Variants in MYO19 observed in about 807,000 individuals in gnomAD.
The protein encoded by MYO19 is myosin XIX.
In MYO19, 132 loss-of-function variants were observed where a neutral mutation model predicts 129.2. The ratio of observed to expected loss-of-function variants is 1.02; its 90% CI spans 0.89 to 1.18. The LOEUF (loss-of-function observed/expected upper bound fraction) is 1.18, where lower values mean the gene tolerates loss of function less well. Among genes scored for constraint, MYO19 ranks in the 50% most tolerant of loss-of-function variants. The probability of loss-of-function intolerance (pLI) is 0.00; values close to 1 mark genes in which losing one functional copy is unlikely to be tolerated. For synonymous variants in MYO19, 531 were observed against 477.2 expected (o/e 1.11, Z -1.47); for missense variants, 1,210 against 1,216.7 (o/e 0.99, Z 0.08).
intron 19 of MYO19, chr17:36,505,006 C>A: frequency 1.7e-6 from 1 of 572,528 alleles, no homozygotes; most frequent in South Asian, 1.7e-5. Flanking sequence ...TTCAGCTAAT[C>A]ACGAGACACC....
intron 3 of MYO19, among the ~76,000 whole-genome samples, chr17:36,528,539 G>C (rs906683540): frequency 6.6e-6 from 1 of 151,484 alleles, no homozygotes; most frequent in Admixed American, 6.6e-5. Context: ...AAAACATGAA[G>C]GCCGCGACAG....
upstream of MYO19, chr17:36,535,244 C>T (rs1055383240): frequency 6.9e-6 from 1 of 143,892 alleles, no homozygotes; most frequent in African/African-American, 2.9e-5. Flanking sequence ...CGGCGGACAC[C>T]ATTACCCTGA....
rs773027691 is a variant in MYO19 at position 36,510,768 on chromosome 17, G to A, written c.1135C>T (p.Leu379=). ...CACCGCGCATAGATCAGTTTGGCCA[G>A]GCAGTCTCTACGGGTGTCACACTCG... is the stretch of plus-strand genomic sequence containing the variant. ...RAECDTRRDC[L]AKLIYARLFD... Residue 379 remains leucine (L), a synonymous_variant, in exon 13 of 26, where the codon CTG becomes TTG. Transcript: ENST00000614623. The A allele has an allele frequency of 8.1e-6, 13 of 1,608,054 alleles. No individual in the cohort carries two copies. In the East Asian group the frequency reaches 2.9e-4, roughly 36 times the overall value.
At chr17:36,536,524 C>CTTTTTTTT (rs10715370), upstream of MYO19, among the ~76,000 whole-genome samples, 4 of 125,540 alleles carry the variant, frequency 3.2e-5, no homozygotes, top group African/African-American at 5.8e-5. Context: ...TTTTCTTTTC[C>CTTTTTTTT]TTTTTTTTTT....
chr17:36,502,510 TTCTC>T (rs1327343361), intron 21 of MYO19, among the ~76,000 whole-genome samples: 4 of 152,106 alleles, frequency 2.6e-5, no homozygotes, highest in African/African-American at 4.8e-5. Flanking sequence ...CAATTCTTGT[TTCTC>T]TCTATTGGGG....
At chr17:36,518,303 CGTCTCTACTAAAAATACATA>C (rs887055011) in intron 6 of MYO19, among the ~76,000 whole-genome samples, 2 of 150,826 alleles carry the variant, frequency 1.3e-5, no homozygotes, top group African/African-American at 4.9e-5. Context: ...GAAACTATAA[CGTCTCTACTAAAAATACATA>C]GTCTCTACTA....
At position 36,495,902 on chromosome 17, in the gene MYO19, C is replaced by A. The variant is rs2070925523; in HGVS notation, c.*349G>T. ...AGCGCCAATTTTAGGCCAACTTTGG[C>A]TGTTTTCTTCCAAAAGTGCTTATGT... On this transcript the variant is annotated 3_prime_UTR_variant, in exon 26 of 26. Coordinates refer to ENST00000614623, the MANE Select transcript of MYO19 (RefSeq NM_001163735.2). 3 of 1,206,084 alleles carry A rather than the reference C, an allele frequency of 2.5e-6. No homozygotes were observed. The highest frequency in any genetic ancestry group is 8.3e-5 in the South Asian group (2 of 24,190). The allele number at this position is 1,206,084 out of a possible 1,614,324, so 74.7% of individuals were successfully genotyped here.
chr17:36,509,426 G>A, intron 13 of MYO19: 1 of 497,022 alleles, frequency 2.0e-6, no homozygotes, highest in Non-Finnish European at 3.7e-6. Context: ...AATCAGTCGA[G>A]CTCAGTCACA....
At chr17:36,497,106 G>C (rs1248644190) in intron 25 of MYO19, among the ~76,000 whole-genome samples, 1 of 151,934 alleles carries the variant, frequency 6.6e-6, no homozygotes, top group Non-Finnish European at 1.5e-5. Context: ...AAGGCAGGCA[G>C]ACCACTTGAG....
intron 8 of MYO19, 122 bp downstream of exon 8, chr17:36,514,991 G>A: frequency 1.3e-6 from 1 of 775,124 alleles, no homozygotes; most frequent in Non-Finnish European, 2.1e-6. Context: ...TGAGGTAAAG[G>A]GCATGCACCA....
chr17:36,526,426 T>C (rs546848730), intron 5 of MYO19, among the ~76,000 whole-genome samples: 13 of 152,280 alleles, frequency 8.5e-5, no homozygotes, highest in African/African-American at 2.6e-4. Flanking sequence ...GAATGCATCA[T>C]GCACTTTTAC....
chr17:36,540,707 C>T (rs2074192820), intron 2 of MYO19, among the ~76,000 whole-genome samples: 2 of 152,164 alleles, frequency 1.3e-5, no homozygotes, highest in Non-Finnish European at 2.9e-5. Flanking sequence ...CAGAACTTCC[C>T]AGTGTCAGCT....
chr17:36,529,609 G>C (rs1044256101), intron 3 of MYO19, among the ~76,000 whole-genome samples: 1 of 152,054 alleles, frequency 6.6e-6, no homozygotes, highest in African/African-American at 2.4e-5. Context: ...CTGAACTTTG[G>C]GCCCACTATA....
At position 36,515,181 on chromosome 17, in the gene MYO19, C is replaced by G. The variant is rs1158372713; in HGVS notation, c.549G>C (p.Gly183=). ...LNSNPVMEAF[G]NACTLRNNNS... ...TGTTATTCCTCAGTGTACACGCATT[C>G]CCTACAGATCACACCTATGTTTATT... The change falls in exon 8 of 26, where the codon GGG becomes GGC. Residue 183 remains glycine, a splice_region_variant and synonymous_variant. Coordinates refer to ENST00000614623, the MANE Select transcript of MYO19 (RefSeq NM_001163735.2). 1.9e-6 allele frequency: 3 copies of G among 1,612,480 alleles called. No homozygotes were observed. The highest frequency in any genetic ancestry group is 2.5e-6 in the Non-Finnish European group (3 of 1,179,240).
intron 3 of MYO19, among the ~76,000 whole-genome samples, chr17:36,528,807 T>G (rs1263546545): frequency 1.3e-5 from 2 of 152,224 alleles, no homozygotes; most frequent in Non-Finnish European, 2.9e-5. Flanking sequence ...CAGCATGTAC[T>G]CAACAAATGC....
intron 11 of MYO19, 119 bp from the exon 12 acceptor site, chr17:36,511,574 C>A: frequency 1.2e-6 from 1 of 838,890 alleles, no homozygotes; most frequent in Non-Finnish European, 1.9e-6. Context: ...AATCATGGCC[C>A]AAGTGCCCAT....
At position 36,513,422 on chromosome 17, in the gene MYO19, T is replaced by C; in HGVS notation, c.894+7A>G. The C allele has an allele frequency of 6.2e-7, 1 of 1,614,076 alleles. No individual in the cohort carries two copies. The highest frequency in any genetic ancestry group is 8.5e-7 in the Non-Finnish European group (1 of 1,179,898). ...CCAAACTTAAGTGGCGTGGCTTTTCTTCTGACCTTAAAGATGTTGTTCTGG... is the reference window on the plus strand; with the variant it reads ...CCAAACTTAAGTGGCGTGGCTTTTCCTCTGACCTTAAAGATGTTGTTCTGG... On this transcript the variant is annotated splice_region_variant and intron_variant, in intron 11 of 25. Transcript: ENST00000614623.
intron 5 of MYO19, among the ~76,000 whole-genome samples, chr17:36,526,223 T>C (rs1397352637): frequency 6.6e-6 from 1 of 152,164 alleles, no homozygotes; most frequent in African/African-American, 2.4e-5. Context: ...CCCACAGTAA[T>C]TATTCGTCTA....
chr17:36,497,864 C>T (rs867086556), intron 25 of MYO19: 6 of 181,788 alleles, frequency 3.3e-5, no homozygotes, highest in South Asian at 3.0e-4. Context: ...GGATTATAGG[C>T]GTGAGCCACC....
Sources: allele counts gnomAD v4.1 joint callset (sites outside exome capture counted in the v4.1 genomes callset), GRCh38; gene constraint gnomAD v4.1.1; transcripts MANE v1.5; gene names NCBI Gene and HGNC (gene_info 2026-07-23, HGNC 2026-07-21).